LRRC4C: variants seen among roughly 807,000 people sequenced by gnomAD.
LRRC4C encodes the protein leucine-rich repeat-containing protein 4C.
In LRRC4C, 5 loss-of-function variants were observed where a neutral mutation model predicts 33.6. That is an observed-to-expected ratio of 0.15 (90% confidence interval 0.08 to 0.31). The LOEUF (loss-of-function observed/expected upper bound fraction) is 0.31. Among genes scored for constraint, LRRC4C ranks in the 10% least tolerant of loss-of-function variants. LRRC4C has a pLI of 1.00. For missense variants in LRRC4C, 560 were observed against 796.7 expected (o/e 0.70, Z 3.58); for synonymous variants, 329 against 302.0 (o/e 1.09, Z -0.93).
chr11:40,298,991 G>T (rs1944645510), intron 4 of LRRC4C, among the ~76,000 whole-genome samples: 1 of 152,168 alleles, frequency 6.6e-6, no homozygotes. Flanking sequence ...GATGAGATTT[G>T]GGTGGGGATG....
intron 3 of LRRC4C, among the ~76,000 whole-genome samples, chr11:40,592,289 T>C (rs116815424): frequency 0.017 from 2,563 of 152,284 alleles, 90 homozygotes; most frequent in African/African-American, 0.058. Context: ...TAAGTTAACA[T>C]GACCCAGGGA....
chr11:40,358,882 T>A (rs1326476058), intron 3 of LRRC4C, among the ~76,000 whole-genome samples: 2 of 152,186 alleles, frequency 1.3e-5, no homozygotes, highest in Non-Finnish European at 2.9e-5. Context: ...ATTTATTTAA[T>A]TTTAACAAAT....
At chr11:40,376,593 G>C (rs1244501366) in intron 3 of LRRC4C, among the ~76,000 whole-genome samples, 1 of 152,148 alleles carries the variant, frequency 6.6e-6, no homozygotes, top group African/African-American at 2.4e-5. Context: ...AGATGCTGTA[G>C]CCCAGTGTTT....
chr11:41,013,477 G>T (rs181426141), intron 1 of LRRC4C, among the ~76,000 whole-genome samples: 1 of 152,260 alleles, frequency 6.6e-6, no homozygotes, highest in Non-Finnish European at 1.5e-5. Flanking sequence ...ACTAATCTGT[G>T]AGGCTAGCGC....
At chr11:41,166,169 A>G (rs977925818) in intron 1 of LRRC4C, among the ~76,000 whole-genome samples, 4 of 152,198 alleles carry the variant, frequency 2.6e-5, no homozygotes, top group African/African-American at 9.6e-5. Context: ...TAAATAAAAC[A>G]AGGTGCTCCA....
At chr11:40,147,697 T>C (rs2135065286) in intron 5 of LRRC4C, among the ~76,000 whole-genome samples, 1 of 152,244 alleles carries the variant, frequency 6.6e-6, no homozygotes, top group South Asian at 2.1e-4. Context: ...AAGAAAATAA[T>C]TAAAAAACAG....
rs149142668 is a variant in LRRC4C, at chr11:40,324,954, G to A, written c.-269-5233C>T. Among the ~76,000 whole-genome samples the A allele has an allele frequency of 1.8e-3, 276 of 152,200 alleles. 1 individual carries two copies. Among genetic ancestry groups the A allele is most frequent in the African/African-American group, 6.4e-3 (266 of 41,518 alleles). On this transcript the variant is annotated intron_variant, in intron 3 of 6. Transcript: ENST00000528697. ...TTCCACTTCATAGGCTTATTTTGAG[G>A]ACTAAATGAATTAATAAATACACAA...
Position 40,834,396 on chromosome 11 carries a change from G to A in LRRC4C, c.-407+99239C>T, listed in dbSNP as rs145475727. On this transcript the variant is annotated intron_variant, in intron 2 of 6. Transcript: ENST00000528697. ...TGAGGCAGGAGAATCGCTTGAATTCGGGAGGTGGAGGTTGCAGTGAGCCAA... is the reference window on the plus strand; with the variant it reads ...TGAGGCAGGAGAATCGCTTGAATTCAGGAGGTGGAGGTTGCAGTGAGCCAA... Among the ~76,000 whole-genome samples the A allele has an allele frequency of 9.9e-3, 1,501 of 151,708 alleles. 24 individuals carry two copies. Among genetic ancestry groups the A allele is most frequent in the African/African-American group, 0.033 (1,371 of 41,372 alleles).
At chr11:40,406,094 GTCCAACT>G (rs1301023836) in intron 3 of LRRC4C, among the ~76,000 whole-genome samples, 1 of 152,118 alleles carries the variant, frequency 6.6e-6, no homozygotes, top group Admixed American at 6.6e-5. Flanking sequence ...AACTGAGCTA[GTCCAACT>G]TTATTCAAAT....
intron 3 of LRRC4C, among the ~76,000 whole-genome samples, chr11:40,577,970 G>A (rs1477256150): frequency 6.6e-6 from 1 of 150,772 alleles, no homozygotes; most frequent in Non-Finnish European, 1.5e-5. Context: ...GAGTAGCTGG[G>A]ACTACAGGTA....
intron 2 of LRRC4C, among the ~76,000 whole-genome samples, chr11:40,878,170 G>A (rs986779265): frequency 1.1e-4 from 17 of 152,028 alleles, no homozygotes; most frequent in African/African-American, 3.6e-4. Context: ...TGGGTGGACC[G>A]CGTGTAGACT....
intron 3 of LRRC4C, among the ~76,000 whole-genome samples, chr11:40,350,950 T>G (rs1418578459): frequency 6.6e-6 from 1 of 152,106 alleles, no homozygotes; most frequent in Non-Finnish European, 1.5e-5. Context: ...ATCCTGCAAC[T>G]TTACTGAATT....
intron 1 of LRRC4C, among the ~76,000 whole-genome samples, chr11:40,943,007 A>C (rs1354516345): frequency 6.6e-6 from 1 of 152,190 alleles, no homozygotes; most frequent in African/African-American, 2.4e-5. Flanking sequence ...CAGGTGTTGA[A>C]AGCAGACATA....
rs530792734 is a variant in LRRC4C, at chr11:40,463,370, G to A, written c.-269-143649C>T. Among the ~76,000 whole-genome samples, 8 of 150,698 alleles carry A rather than the reference G, an allele frequency of 5.3e-5. No homozygotes were observed. The Admixed American group carries it at 5.3e-4, about 10-fold the overall frequency. On this transcript the variant is annotated intron_variant, in intron 3 of 6. Coordinates refer to ENST00000528697, the MANE Select transcript of LRRC4C (RefSeq NM_001258419.2). The stretch of plus-strand genomic sequence containing the variant: ...GTTAAAAGAACAGGAATGGCAGCAG[G>A]ATGTTGTGACAGCACATGGATCTTA...
intron 1 of LRRC4C, among the ~76,000 whole-genome samples, chr11:41,162,670 G>A (rs992867034): frequency 6.6e-6 from 1 of 152,082 alleles, no homozygotes; most frequent in Non-Finnish European, 1.5e-5. Context: ...ATCATAAAAG[G>A]TACAGTAAAA....
At chr11:40,899,955 T>C (rs974161027) in intron 2 of LRRC4C, among the ~76,000 whole-genome samples, 13 of 152,220 alleles carry the variant, frequency 8.5e-5, no homozygotes, top group Admixed American at 6.5e-4. Context: ...CTTAAGACTA[T>C]GTAAATATCC....
intron 3 of LRRC4C, among the ~76,000 whole-genome samples, chr11:40,476,342 C>CTTTCTTTTTTTT (rs1555074955): frequency 3.3e-4 from 27 of 81,368 alleles, no homozygotes; most frequent in Admixed American, 4.4e-4. Flanking sequence ...TTTTTTTCTT[C>CTTTCTTTTTTTT]TTTTTTTTTT....
At chr11:41,120,276 C>CA (rs1942353949) in intron 1 of LRRC4C, among the ~76,000 whole-genome samples, 1 of 152,020 alleles carries the variant, frequency 6.6e-6, no homozygotes, top group African/African-American at 2.4e-5. Context: ...TCCAACCTGC[C>CA]AAAAAACCAT....
At chr11:41,372,816 C>T (rs538670229) in intron 1 of LRRC4C, among the ~76,000 whole-genome samples, 3 of 149,068 alleles carry the variant, frequency 2.0e-5, no homozygotes, top group Non-Finnish European at 4.5e-5. Flanking sequence ...GTAACAGAGT[C>T]ATATATTTAC....
Sources: allele counts gnomAD v4.1 joint callset (sites outside exome capture counted in the v4.1 genomes callset), GRCh38; gene constraint gnomAD v4.1.1; transcripts MANE v1.5; gene names NCBI Gene and HGNC (gene_info 2026-07-23, HGNC 2026-07-21).